Variants in CEP85L observed in about 807,000 individuals in gnomAD.
CEP85L encodes the protein centrosomal protein of 85 kDa-like.
Under a neutral mutation model 100.3 loss-of-function variants are expected in CEP85L, and 60 were observed. The observed-to-expected ratio is 0.60, with a 90% CI of 0.49 to 0.74. The LOEUF (loss-of-function observed/expected upper bound fraction) is 0.74, where lower values mean the gene tolerates loss of function less well. CEP85L is among the 30% of genes least tolerant of loss of function. The pLI is 0.00. For synonymous variants in CEP85L, 319 were observed against 322.7 expected (o/e 0.99, Z 0.12); for missense variants, 973 against 936.2 (o/e 1.04, Z -0.51).
At chr6:118,654,519 A>C (rs963261509), upstream of CEP85L, among the ~76,000 whole-genome samples, 1 of 152,242 alleles carries the variant, frequency 6.6e-6, no homozygotes, top group East Asian at 1.9e-4. Flanking sequence ...TTGTATATCA[A>C]GTGTGTATCA....
intron 3 of CEP85L, chr6:118,537,569 T>TA (rs2114859308): frequency 2.0e-6 from 2 of 985,286 alleles, no homozygotes; most frequent in African/African-American, 3.5e-5. Context: ...TGAGTAAGGA[T>TA]AGCAGGCATC....
At chr6:118,635,831 ACTCT>A (rs1437790146) in intron 1 of CEP85L, among the ~76,000 whole-genome samples, 1 of 151,672 alleles carries the variant, frequency 6.6e-6, no homozygotes, top group Non-Finnish European at 1.5e-5. Context: ...TCTCTCTCTC[ACTCT>A]CTCTCCACTC....
intron 3 of CEP85L, among the ~76,000 whole-genome samples, chr6:118,558,602 C>G (rs1045794346): frequency 2.3e-4 from 34 of 147,390 alleles, no homozygotes; most frequent in African/African-American, 7.8e-4. Context: ...GAAAGAGAGA[C>G]AGACACATAG....
intron 5 of CEP85L, chr6:118,501,785 G>C: frequency 8.7e-6 from 9 of 1,037,784 alleles, no homozygotes; most frequent in Non-Finnish European, 1.4e-5. Context: ...ATCTCACAGA[G>C]TGGGGAGGAT....
intron 1 of CEP85L, among the ~76,000 whole-genome samples, chr6:118,705,281 T>C (rs539803960): frequency 2.0e-5 from 3 of 152,238 alleles, no homozygotes; most frequent in African/African-American, 7.2e-5. Flanking sequence ...CCTTTTCTTA[T>C]TAGATTTTGG....
At chr6:118,691,231 A>G (rs1214286463) in intron 1 of CEP85L, among the ~76,000 whole-genome samples, 2 of 121,340 alleles carry the variant, frequency 1.6e-5, no homozygotes, top group African/African-American at 6.1e-5. Context: ...CCTGGCCAAC[A>G]TCATGAAACC....
In CEP85L at chr6:118,525,544, C is replaced by T. The variant is rs540771867; in HGVS notation, c.1021-1624G>A. 1.4e-4 allele frequency among the ~76,000 whole-genome samples: 22 copies of T among 152,224 alleles called. No individual in the cohort carries two copies. In the South Asian group the frequency reaches 4.4e-3, roughly 30 times the overall value. ...ACAAGGAAGACTATGTGAAGAGACA[C>T]AGAGACAATGCCATGTGAATATCAA... is the stretch of plus-strand genomic sequence containing the variant. On this transcript the variant is annotated intron_variant, in intron 3 of 12. Coordinates refer to ENST00000368491, the MANE Select transcript of CEP85L (RefSeq NM_001042475.3).
chr6:118,497,716 T>C (rs1299229630), intron 5 of CEP85L, among the ~76,000 whole-genome samples: 1 of 152,170 alleles, frequency 6.6e-6, no homozygotes, highest in Non-Finnish European at 1.5e-5. Context: ...GTGGCCAGTA[T>C]ATCTGCTTTG....
Position 118,465,396 on chromosome 6 carries a change from A to C in CEP85L, c.*9T>G. The C allele has an allele frequency of 6.2e-7, 1 of 1,611,484 alleles. No individual in the cohort carries two copies. The highest frequency in any genetic ancestry group is 1.1e-5 in the South Asian group (1 of 90,782). On this transcript the variant is annotated 3_prime_UTR_variant, in exon 13 of 13. Transcript: ENST00000368491. ...AACAGGTCATTATTGCTGTGGGACT[A>C]ACACTTGATCACTGAGTAATGCAGT...
At chr6:118,666,381 C>T (rs528124206) in intron 1 of CEP85L, among the ~76,000 whole-genome samples, 31 of 152,292 alleles carry the variant, frequency 2.0e-4, no homozygotes, top group African/African-American at 7.5e-4. Context: ...AATTAAATGA[C>T]TGCCCCCAAA....
At chr6:118,502,010 G>A (rs1394831998) in intron 5 of CEP85L, 2 of 827,110 alleles carry the variant, frequency 2.4e-6, no homozygotes, top group Non-Finnish European at 4.0e-6. Flanking sequence ...AACAGTCAGT[G>A]GGAATTTGAA....
At chr6:118,521,354 A>T (rs1403837063) in intron 4 of CEP85L, among the ~76,000 whole-genome samples, 1 of 152,210 alleles carries the variant, frequency 6.6e-6, no homozygotes, top group Non-Finnish European at 1.5e-5. Context: ...CTTTTAAATG[A>T]CAGTTATGCT....
chr6:118,518,244 T>A (rs1018512888), intron 4 of CEP85L, among the ~76,000 whole-genome samples: 6 of 152,184 alleles, frequency 3.9e-5, no homozygotes, highest in African/African-American at 1.4e-4. Context: ...GCTGGCCTCA[T>A]AAAATGAGTT....
At chr6:118,647,950 A>C (rs375678841) in intron 1 of CEP85L, among the ~76,000 whole-genome samples, 2 of 152,346 alleles carry the variant, frequency 1.3e-5, no homozygotes, top group South Asian at 2.1e-4. Flanking sequence ...TTTGTAAGGA[A>C]ACTTAAGAAA....
chr6:118,610,179 G>A (rs1772515092), intron 2 of CEP85L, among the ~76,000 whole-genome samples: 2 of 152,046 alleles, frequency 1.3e-5, no homozygotes, highest in Admixed American at 1.3e-4. Context: ...ATTATTCAAG[G>A]TTGTACAGAT....
chr6:118,586,802 G>A (rs2115100570), intron 2 of CEP85L, among the ~76,000 whole-genome samples: 1 of 152,228 alleles, frequency 6.6e-6, no homozygotes, highest in African/African-American at 2.4e-5. Flanking sequence ...CTTTTTGGTG[G>A]AAATTATTTA....
intron 3 of CEP85L, among the ~76,000 whole-genome samples, chr6:118,524,958 C>CCAGG (rs1776880174): frequency 1.3e-5 from 2 of 152,224 alleles, no homozygotes; most frequent in Admixed American, 1.3e-4. Context: ...GGAAATCAAT[C>CCAGG]TGTGAGGTGG....
chr6:118,509,489 C>A (rs1261216887), intron 5 of CEP85L, among the ~76,000 whole-genome samples: 1 of 152,030 alleles, frequency 6.6e-6, no homozygotes, highest in East Asian at 1.9e-4. Context: ...ATGATGTATT[C>A]ATAACTAAAG....
intron 4 of CEP85L, among the ~76,000 whole-genome samples, chr6:118,516,135 T>C (rs1776262767): frequency 1.3e-5 from 2 of 152,242 alleles, no homozygotes; most frequent in East Asian, 3.8e-4. Context: ...CCACATTTTC[T>C]TCACCCAGTT....
Sources: allele counts gnomAD v4.1 joint callset (sites outside exome capture counted in the v4.1 genomes callset), GRCh38; gene constraint gnomAD v4.1.1; transcripts MANE v1.5; gene names NCBI Gene and HGNC (gene_info 2026-07-23, HGNC 2026-07-21).